The following TLN2 variants were observed in gnomAD, a reference collection of about 807,000 sequenced individuals.
TLN2 encodes talin 2.
A neutral mutation model predicts 294.7 loss-of-function variants in TLN2; 118 were observed. The ratio of observed to expected loss-of-function variants is 0.40; its 90% confidence interval spans 0.34 to 0.47. The LOEUF (loss-of-function observed/expected upper bound fraction) is 0.47. Among genes scored for constraint, TLN2 ranks in the 20% least tolerant of loss-of-function variants. TLN2 has a pLI of 0.84. For synonymous variants in TLN2, 1,431 were observed against 1,304.5 expected, an observed-to-expected ratio of 1.10 and a Z score of -2.09; for missense variants, 3,083 against 3,282.2, an observed-to-expected ratio of 0.94 and a Z score of 1.48.
intron 2 of TLN2, among the ~76,000 whole-genome samples, chr15:62,591,310 G>C (rs2046058859): frequency 6.6e-6 from 1 of 152,162 alleles, no homozygotes; most frequent in Non-Finnish European, 1.5e-5. Context: ...CTGAGAACTG[G>C]TGTTTGGGAA....
Position 62,770,958 on chromosome 15 carries a change from TGAAAGG to T in TLN2, c.5197-5_5197del. The stretch of plus-strand genomic sequence containing the variant: ...CATCTCTGGCTTTTTTTTTTTTTTT[TGAAAGG>T]TGACACAACTGGCAAGCTATTTTGA... On this transcript the variant is annotated splice_acceptor_variant and splice_polypyrimidine_tract_variant and coding_sequence_variant and intron_variant, in exon 42 of 59. Transcript: ENST00000636159. LOFTEE classifies it high-confidence loss of function. 2 of 1,566,590 alleles carry T rather than the reference TGAAAGG, an allele frequency of 1.3e-6. No homozygotes were observed. The highest frequency in any genetic ancestry group is 1.7e-6 in the Non-Finnish European group (2 of 1,163,394).
rs762232623 is a variant in TLN2, at chr15:62,797,346, G to A, written c.6178G>A (p.Ala2060Thr). 31 of 1,613,272 alleles carry A rather than the reference G, an allele frequency of 1.9e-5. No homozygotes were observed. The highest frequency in any genetic ancestry group is 2.7e-5 in the African/African-American group (2 of 74,904). The change falls in exon 48 of 59, where the codon GCA (alanine) becomes ACA (threonine). Residue 2060 changes from alanine (A) to threonine (T), a missense_variant. By Grantham distance (58) the Ala-to-Thr change is moderately conservative (BLOSUM62 0). Transcript: ENST00000636159. ...CTCAGCAGCCACCATCACCCAGCTC[G>A]CAGAAGTGGTCAAGCTGGGGGCAGC... is the stretch of plus-strand genomic sequence containing the variant. ...QSSAATITQLAEVVKLGAASL... is the reference protein window; with the variant it reads ...QSSAATITQLTEVVKLGAASL...
At chr15:62,430,461 G>GT (rs1042049123) in intron 1 of TLN2, among the ~76,000 whole-genome samples, 1 of 152,188 alleles carries the variant, frequency 6.6e-6, no homozygotes, top group Non-Finnish European at 1.5e-5. Flanking sequence ...TTCGCTAGAT[G>GT]TTTTTACTCT....
At chr15:62,545,432 A>G (rs904686945) in intron 1 of TLN2, among the ~76,000 whole-genome samples, 1 of 152,188 alleles carries the variant, frequency 6.6e-6, no homozygotes, top group Non-Finnish European at 1.5e-5. Flanking sequence ...TTATCAGGCT[A>G]GGCAACATTT....
At chr15:62,781,685 A>G (rs1463513770) in intron 44 of TLN2, among the ~76,000 whole-genome samples, 1 of 152,224 alleles carries the variant, frequency 6.6e-6, no homozygotes, top group Non-Finnish European at 1.5e-5. Context: ...AAATCAAGTT[A>G]TAATACTTGG....
Position 62,414,152 on chromosome 15 carries a change from C to CA in TLN2, c.-238+23478dup, listed in dbSNP as rs564398066. 1.2e-3 allele frequency among the ~76,000 whole-genome samples: 61 copies of CA among 51,048 alleles called. 7 individuals are homozygous for CA. Among genetic ancestry groups the CA allele is most frequent in the Middle Eastern group, 9.3e-3 (1 of 108 alleles). 33.5% of individuals were successfully genotyped at this position (51,048 alleles called of 152,430 possible). ...TTGGTTGAACTCAGTGAAGTGTTAG[C>CA]AAAAAAAAAAACTATATATATATAT... On this transcript the variant is annotated intron_variant, in intron 1 of 58. Coordinates refer to ENST00000636159, the MANE Select transcript of TLN2 (RefSeq NM_015059.3).
chr15:62,795,936 C>G (rs1268214876), intron 46 of TLN2, among the ~76,000 whole-genome samples, 191 bp from the exon 47 acceptor site: 2 of 152,216 alleles, frequency 1.3e-5, no homozygotes, highest in African/African-American at 4.8e-5. Flanking sequence ...GGTAAAGCAG[C>G]TTTGCCTAAG....
chr15:62,702,881 C>T lies in TLN2; in HGVS notation c.2004+17C>T, dbSNP rs773514929. 2 of 1,608,974 alleles carry T rather than the reference C, an allele frequency of 1.2e-6. No individual in the cohort carries two copies. The highest frequency in any genetic ancestry group is 1.7e-6 in the Non-Finnish European group (2 of 1,175,428). ...CGATTCCAGGTAAGATATTTGCAGGCTTATAGTCATGGAAAGAAGTCTAAG... is the reference window on the plus strand; with the variant it reads ...CGATTCCAGGTAAGATATTTGCAGGTTTATAGTCATGGAAAGAAGTCTAAG... On this transcript the variant is annotated intron_variant, in intron 19 of 58. Coordinates refer to ENST00000636159, the MANE Select transcript of TLN2 (RefSeq NM_015059.3).
chr15:62,769,229 C>T (rs1228522598), intron 41 of TLN2, among the ~76,000 whole-genome samples: 2 of 152,268 alleles, frequency 1.3e-5, no homozygotes, highest in African/African-American at 4.8e-5. Context: ...TAAAGGACCA[C>T]CCTAAGCCCT....
intron 45 of TLN2, 97 bp from the exon 46 acceptor site, chr15:62,792,544 C>T: frequency 6.7e-7 from 1 of 1,487,310 alleles, no homozygotes; most frequent in Admixed American, 2.2e-5. Flanking sequence ...CCTAGCCAGG[C>T]TCCCATAGGA....
intron 2 of TLN2, among the ~76,000 whole-genome samples, chr15:62,605,773 G>A (rs527772895): frequency 6.6e-6 from 1 of 152,158 alleles, no homozygotes; most frequent in African/African-American, 2.4e-5. Context: ...GTTGGACACC[G>A]TAGCAGCAAA....
intron 28 of TLN2, among the ~76,000 whole-genome samples, chr15:62,736,044 G>A (rs750337080): frequency 3.5e-4 from 54 of 152,194 alleles, no homozygotes; most frequent in Non-Finnish European, 7.3e-4. Context: ...TGGGCGCAGT[G>A]GCTGACGCCT....
chr15:62,646,674 T>G (rs1036064758), intron 3 of TLN2, among the ~76,000 whole-genome samples: 4 of 152,206 alleles, frequency 2.6e-5, no homozygotes, highest in Non-Finnish European at 5.9e-5. Context: ...AGGGCTGATA[T>G]CATTATAGCC....
chr15:62,535,941 C>G (rs1292022880), intron 1 of TLN2, among the ~76,000 whole-genome samples: 1 of 152,216 alleles, frequency 6.6e-6, no homozygotes, highest in Non-Finnish European at 1.5e-5. Context: ...TGCGCAAAGT[C>G]TTGTGACTGC....
chr15:62,690,284 C>T (rs1595670764), intron 12 of TLN2: 2 of 164,224 alleles, frequency 1.2e-5, no homozygotes, highest in South Asian at 1.6e-4. Context: ...GGGCTCCTCA[C>T]TTCTCAGACG....
At position 62,739,441 on chromosome 15, in the gene TLN2, G is replaced by A; in HGVS notation, c.3781G>A (p.Ala1261Thr). The A allele has an allele frequency of 6.2e-7, 1 of 1,614,178 alleles. No homozygotes were observed. Among genetic ancestry groups the A allele is most frequent in the Non-Finnish European group, 8.5e-7 (1 of 1,180,028 alleles). ...LNQSAGEVVH[A>T]TRGQSGELAA... ...CCAGTCTGCTGGGGAAGTGGTCCAT[G>A]CCACCCGGGGCCAGAGTGGAGAGTT... is the stretch of plus-strand genomic sequence containing the variant. Residue 1261 changes from alanine to threonine, a missense_variant, in exon 31 of 59, where the codon GCC (alanine) becomes ACC (threonine). Ala to Thr is a moderately conservative substitution (Grantham distance 58). Transcript: ENST00000636159.
intron 1 of TLN2, among the ~76,000 whole-genome samples, chr15:62,519,276 G>A (rs905569546): frequency 6.6e-6 from 1 of 152,166 alleles, no homozygotes; most frequent in Non-Finnish European, 1.5e-5. Context: ...CAGTACCTTT[G>A]GGTGGGGGTA....
intron 1 of TLN2, among the ~76,000 whole-genome samples, chr15:62,455,365 G>C (rs2036412911): frequency 6.6e-6 from 1 of 152,140 alleles, no homozygotes; most frequent in Admixed American, 6.5e-5. Flanking sequence ...AAAAGCCAGT[G>C]GGAGAGGGTG....
intron 51 of TLN2, among the ~76,000 whole-genome samples, chr15:62,806,266 G>C (rs1023048812): frequency 2.0e-5 from 3 of 152,280 alleles, no homozygotes; most frequent in African/African-American, 7.2e-5. Flanking sequence ...AGGCAGTTTT[G>C]TGTTTGAGAG....
Sources: allele counts gnomAD v4.1 joint callset (sites outside exome capture counted in the v4.1 genomes callset), GRCh38; gene constraint gnomAD v4.1.1; transcripts MANE v1.5; gene names NCBI Gene and HGNC (gene_info 2026-07-23, HGNC 2026-07-21).